ROBO1: variants seen among roughly 807,000 people sequenced by gnomAD.
ROBO1 encodes roundabout homolog 1.
In ROBO1, 149 loss-of-function variants were observed where a neutral mutation model predicts 195.9. That is an observed-to-expected ratio of 0.76 (90% confidence interval 0.67 to 0.87). The LOEUF (loss-of-function observed/expected upper bound fraction) is 0.87. Among genes scored for constraint, ROBO1 ranks in the 40% least tolerant of loss-of-function variants. The probability of loss-of-function intolerance (pLI) is 0.00; values close to 1 mark genes in which losing one functional copy is unlikely to be tolerated. For missense variants in ROBO1, 1,933 were observed against 2,068.3 expected (o/e 0.93, Z 1.27); for synonymous variants, 816 against 733.2 (o/e 1.11, Z -1.82).
At chr3:79,036,858 G>A (rs1244862608) in intron 3 of ROBO1, among the ~76,000 whole-genome samples, 2 of 152,108 alleles carry the variant, frequency 1.3e-5, no homozygotes, top group African/African-American at 4.8e-5. Context: ...AAACTTTTCA[G>A]TGATTAAAAA....
chr3:79,272,340 G>A (rs1056225636), intron 2 of ROBO1, among the ~76,000 whole-genome samples: 7 of 151,876 alleles, frequency 4.6e-5, no homozygotes, highest in African/African-American at 1.7e-4. Context: ...AACACAGCTG[G>A]GAGATGATGG....
In ROBO1 at chr3:78,783,019, C is replaced by T. The variant is rs539574668; in HGVS notation, c.500-36119G>A. 7.9e-5 allele frequency among the ~76,000 whole-genome samples: 12 copies of T among 152,198 alleles called. No individual in the cohort carries two copies. The East Asian group carries it at 9.6e-4, about 12-fold the overall frequency. Reference sequence around the variant, plus strand: ...GAAAGTAACAATGAAAACATGAATTCGTGACTAAAGAACAAAGGAATAATA... The same window carrying T: ...GAAAGTAACAATGAAAACATGAATTTGTGACTAAAGAACAAAGGAATAATA... On this transcript the variant is annotated intron_variant, in intron 4 of 30. Transcript: ENST00000464233.
intron 1 of ROBO1, among the ~76,000 whole-genome samples, chr3:79,614,729 C>T (rs755739040): frequency 3.3e-5 from 5 of 151,992 alleles, no homozygotes; most frequent in Non-Finnish European, 7.4e-5. Context: ...TTTGCCAGTT[C>T]CATTGATCAC....
At chr3:79,414,218 C>T (rs968962077) in intron 2 of ROBO1, among the ~76,000 whole-genome samples, 2 of 148,828 alleles carry the variant, frequency 1.3e-5, no homozygotes, top group East Asian at 2.0e-4. Context: ...TCTCTCTCTC[C>T]CTCCTCTTTC....
chr3:79,567,763 AT>A (rs1179808193), intron 2 of ROBO1, among the ~76,000 whole-genome samples: 2 of 152,100 alleles, frequency 1.3e-5, no homozygotes, highest in Non-Finnish European at 2.9e-5. Flanking sequence ...TAAAGTTGTT[AT>A]TTTGGTTCTC....
At chr3:79,137,264 C>T (rs1412160743) in intron 2 of ROBO1, among the ~76,000 whole-genome samples, 3 of 151,614 alleles carry the variant, frequency 2.0e-5, no homozygotes, top group Non-Finnish European at 2.9e-5. Context: ...CGTTGTCTTC[C>T]AATAGTTTTG....
chr3:78,930,032 T>C (rs2039426814), intron 4 of ROBO1, among the ~76,000 whole-genome samples: 1 of 152,152 alleles, frequency 6.6e-6, no homozygotes, highest in African/African-American at 2.4e-5. Context: ...TACTTAAATA[T>C]TCCAGAACGA....
chr3:78,700,698 A>C (rs1404322703), intron 8 of ROBO1, among the ~76,000 whole-genome samples: 1 of 152,172 alleles, frequency 6.6e-6, no homozygotes, highest in Non-Finnish European at 1.5e-5. Context: ...AGTAAATTTC[A>C]TAAGGTCACC....
intron 22 of ROBO1, among the ~76,000 whole-genome samples, chr3:78,637,497 C>T (rs1386036849): frequency 1.3e-5 from 2 of 152,182 alleles, no homozygotes; most frequent in Non-Finnish European, 2.9e-5. Flanking sequence ...CCACCAGTCA[C>T]ACGTGGCCAC....
chr3:78,666,388 G>T (rs576474892), intron 14 of ROBO1, among the ~76,000 whole-genome samples: 1 of 152,214 alleles, frequency 6.6e-6, no homozygotes, highest in Non-Finnish European at 1.5e-5. Flanking sequence ...ACTTACAAAT[G>T]AGGTTACATA....
intron 3 of ROBO1, among the ~76,000 whole-genome samples, chr3:79,092,933 TAAAA>T (rs1180866269): frequency 2.0e-5 from 3 of 152,178 alleles, no homozygotes; most frequent in Non-Finnish European, 4.4e-5. Flanking sequence ...ATTTAACAAT[TAAAA>T]AGAATTAATT....
intron 2 of ROBO1, among the ~76,000 whole-genome samples, chr3:79,176,893 C>T (rs1201199545): frequency 1.3e-5 from 2 of 152,050 alleles, no homozygotes; most frequent in African/African-American, 2.4e-5. Flanking sequence ...AAATGTAAAC[C>T]TCATATTCTA....
chr3:79,446,506 AATAG>A (rs1325773747), intron 2 of ROBO1, among the ~76,000 whole-genome samples: 2 of 152,196 alleles, frequency 1.3e-5, no homozygotes, highest in Non-Finnish European at 2.9e-5. Context: ...TGTTGCTTAT[AATAG>A]ATAGGTACAA....
chr3:78,866,158 G>A (rs1205205060), intron 4 of ROBO1, among the ~76,000 whole-genome samples: 1 of 152,046 alleles, frequency 6.6e-6, no homozygotes, highest in Non-Finnish European at 1.5e-5. Flanking sequence ...ACTTGTAATT[G>A]TCAGTCTGCT....
At chr3:79,756,034 C>G (rs1704375614) in intron 1 of ROBO1, among the ~76,000 whole-genome samples, 1 of 152,166 alleles carries the variant, frequency 6.6e-6, no homozygotes, top group African/African-American at 2.4e-5. Flanking sequence ...CTCTCATATC[C>G]AGAATCACAA....
intron 1 of ROBO1, among the ~76,000 whole-genome samples, chr3:79,593,471 A>G (rs1944068175): frequency 6.6e-6 from 1 of 152,058 alleles, no homozygotes; most frequent in Non-Finnish European, 1.5e-5. Context: ...TGCAATGGTA[A>G]GCAGTGTTTT....
intron 2 of ROBO1, among the ~76,000 whole-genome samples, chr3:79,428,645 A>T (rs2038549394): frequency 6.6e-6 from 1 of 152,168 alleles, no homozygotes; most frequent in Non-Finnish European, 1.5e-5. Context: ...TACCCAAGAG[A>T]AAAGGAAAAC....
At chr3:79,738,270 G>A (rs1204786159) in intron 1 of ROBO1, among the ~76,000 whole-genome samples, 2 of 152,120 alleles carry the variant, frequency 1.3e-5, no homozygotes, top group Non-Finnish European at 2.9e-5. Flanking sequence ...ACAATGCAAA[G>A]TAAAAGACTC....
intron 2 of ROBO1, among the ~76,000 whole-genome samples, chr3:79,265,028 T>A (rs941218914): frequency 6.6e-6 from 1 of 151,886 alleles, no homozygotes; most frequent in African/African-American, 2.4e-5. Flanking sequence ...ACACTTTGGT[T>A]TGAATCTTGG....
Sources: gnomAD v4.1 joint callset for allele counts (sites outside exome capture counted in the v4.1 genomes callset) on GRCh38, gnomAD v4.1.1 for gene constraint, MANE v1.5 for transcripts, NCBI Gene and HGNC (gene_info 2026-07-23, HGNC 2026-07-21) for gene names.